The following CAPN14 variants were observed in gnomAD, a reference collection of about 807,000 sequenced individuals.
CAPN14 encodes the protein calpain 14.
In CAPN14, 94 loss-of-function variants were observed where a neutral mutation model predicts 101.3. That is an observed-to-expected ratio of 0.93 (90% CI 0.79 to 1.10). The LOEUF is 1.10. CAPN14 is among the 50% of genes least tolerant of loss of function. CAPN14 has a pLI of 0.00. For synonymous variants in CAPN14, 338 were observed against 317.9 expected (o/e 1.06, Z -0.67); for missense variants, 837 against 828.4 (o/e 1.01, Z -0.13).
chr2:31,227,363 A>C (rs1353824137), intron 1 of CAPN14, among the ~76,000 whole-genome samples: 1 of 151,764 alleles, frequency 6.6e-6, no homozygotes, highest in African/African-American at 2.4e-5. Flanking sequence ...GGGGAGTGTT[A>C]TTCCTGGACA....
chr2:31,208,819 A>G (rs1682241290), intron 1 of CAPN14, among the ~76,000 whole-genome samples: 1 of 152,192 alleles, frequency 6.6e-6, no homozygotes, highest in African/African-American at 2.4e-5. Flanking sequence ...GGTCCACAAA[A>G]TAAGACTATG....
chr2:31,181,386 T>TTCTCTTTC (rs1171284901), intron 16 of CAPN14, among the ~76,000 whole-genome samples: 6,517 of 131,176 alleles, frequency 0.05, 228 homozygotes, highest in African/African-American at 0.061. Context: ...TCTTTTCTTT[T>TTCTCTTTC]TTTCTTTCTT....
At chr2:31,187,445 T>G (rs1572399159) in intron 15 of CAPN14, among the ~76,000 whole-genome samples, 2 of 96,808 alleles carry the variant, frequency 2.1e-5, no homozygotes, top group South Asian at 6.5e-4. Flanking sequence ...CCTGTCCCAC[T>G]CCCAACTCTG....
chr2:31,190,482 C>T (rs570252667), intron 12 of CAPN14, among the ~76,000 whole-genome samples: 35 of 152,264 alleles, frequency 2.3e-4, no homozygotes, highest in African/African-American at 4.8e-4. Flanking sequence ...TAATGAGCCA[C>T]GGTAGCTGTC....
rs373818859 is a variant in CAPN14, at chr2:31,193,188, G to T, written c.1057C>A (p.Arg353=). ...CTCCGCTTCTCCCATCTCCCCTCCC[G>T]CATGGTGTACGTCCACTTCTGGGCC... is the stretch of plus-strand genomic sequence containing the variant. ...EAAQKWTYTM[R]EGRWEKRSTA... The change falls in exon 10 of 22, where the codon CGG becomes AGG. Residue 353 remains arginine (R), a synonymous_variant. Transcript: ENST00000403897. 9 of 1,551,332 alleles carry T rather than the reference G, an allele frequency of 5.8e-6. No homozygotes were observed. In the African/African-American group the frequency reaches 1.2e-4, roughly 21 times the overall value.
chr2:31,178,356 G>C (rs1558609814), intron 18 of CAPN14, among the ~76,000 whole-genome samples, 155 bp downstream of exon 18: 1 of 152,210 alleles, frequency 6.6e-6, no homozygotes, highest in Non-Finnish European at 1.5e-5. Context: ...GTTTGGAAGA[G>C]ACCAATAGAG....
intron 21 of CAPN14, 21 bp downstream of exon 21, chr2:31,176,566 C>A: frequency 6.5e-7 from 1 of 1,549,916 alleles, no homozygotes; most frequent in Non-Finnish European, 8.7e-7. Context: ...ACATGAGCCA[C>A]CTCCTTGGGG....
At position 31,174,557 on chromosome 2, in the gene CAPN14, GGT is replaced by G. The variant is rs1219098477; in HGVS notation, c.*122_*123del. ...GAAGAGAAACCTTCCCAGCTGAGAAGGTGACGGCTAGTGAGGCTGTCCTGAAG... is the reference window on the plus strand; with the variant it reads ...GAAGAGAAACCTTCCCAGCTGAGAAGGACGGCTAGTGAGGCTGTCCTGAAG... On this transcript the variant is annotated 3_prime_UTR_variant, in exon 22 of 22. Coordinates refer to ENST00000403897, the MANE Select transcript of CAPN14 (RefSeq NM_001145122.2). 2 of 982,506 alleles carry G rather than the reference GGT, an allele frequency of 2.0e-6. No homozygotes were observed. The highest frequency in any genetic ancestry group is 1.6e-6 in the Non-Finnish European group (1 of 644,160). 60.9% of individuals were successfully genotyped at this position (982,506 alleles called of 1,614,324 possible).
At chr2:31,179,512 A>G (rs2148671934) in intron 17 of CAPN14, among the ~76,000 whole-genome samples, 1 of 152,320 alleles carries the variant, frequency 6.6e-6, no homozygotes, top group South Asian at 2.1e-4. Context: ...GCTATTGTGA[A>G]TAGTGCCGCA....
At chr2:31,187,253 T>C (rs1421476854) in intron 15 of CAPN14, among the ~76,000 whole-genome samples, 2 of 152,166 alleles carry the variant, frequency 1.3e-5, no homozygotes, top group African/African-American at 4.8e-5. Context: ...GACTCACATC[T>C]GGGTCAGCCC....
rs1307007314 is a variant in CAPN14 at position 31,174,528 on chromosome 2, TGCA to T, written c.*150_*152del. 6 of 718,840 alleles carry T rather than the reference TGCA, an allele frequency of 8.3e-6. No homozygotes were observed. Among genetic ancestry groups the T allele is most frequent in the Non-Finnish European group, 1.4e-5 (6 of 422,356 alleles). The allele number at this position is 718,840 out of a possible 1,614,324, so 44.5% of individuals were successfully genotyped here. On this transcript the variant is annotated 3_prime_UTR_variant, in exon 22 of 22. Transcript: ENST00000403897. The stretch of plus-strand genomic sequence containing the variant: ...CATGCTGGCCATGCACGGGGAGGGC[TGCA>T]GAAGAGAAACCTTCCCAGCTGAGAA...
rs1310262006 is a variant in CAPN14, at chr2:31,208,177, A to G, written c.-52-2678T>C. 2.2e-5 allele frequency among the ~76,000 whole-genome samples: 3 copies of G among 137,244 alleles called. No individual in the cohort carries two copies. The East Asian group carries it at 6.0e-4, about 27-fold the overall frequency. The allele number at this position is 137,244 out of a possible 152,430, so 90.0% of individuals were successfully genotyped here. Reference sequence around the variant, plus strand: ...TTTTTGACTCCAAAAAAAAACTCCAAAAAAAAACTGGAGTTTTTTTCCCTA... The same window carrying G: ...TTTTTGACTCCAAAAAAAAACTCCAGAAAAAAACTGGAGTTTTTTTCCCTA... On this transcript the variant is annotated intron_variant, in intron 1 of 21. Transcript: ENST00000403897.
Position 31,199,534 on chromosome 2 carries a change from T to A in CAPN14, c.727-2A>T. The A allele has an allele frequency of 6.4e-7, 1 of 1,551,032 alleles. No homozygotes were observed. Among genetic ancestry groups the A allele is most frequent in the Non-Finnish European group, 8.7e-7 (1 of 1,146,596 alleles). ...CAGCCCATTCTCCAGAATCTTCTCC[T>A]GCAGAGACAAGAGAGGTCCTGATCA... On this transcript the variant is annotated splice_acceptor_variant, in intron 6 of 21. Coordinates refer to ENST00000403897, the MANE Select transcript of CAPN14 (RefSeq NM_001145122.2). LOFTEE classifies it high-confidence loss of function.
Position 31,230,779 on chromosome 2 carries a change from T to C in CAPN14, c.-177+3012A>G, listed in dbSNP as rs561622926. On this transcript the variant is annotated intron_variant and NMD_transcript_variant, in intron 1 of 21. Transcript: ENST00000398824. This position sits in a 1 kb window ranked among gnomAD's most constrained non-coding sequence, Gnocchi z 4.3. ...GTTTTTGTGTATAGGAAATATCTTT[T>C]CACTCACTTTTGTATTTTTAGTTGA... Among the ~76,000 whole-genome samples the C allele has an allele frequency of 5.3e-5, 8 of 152,262 alleles. No individual in the cohort carries two copies. The highest frequency in any genetic ancestry group is 1.0e-4 in the Non-Finnish European group (7 of 68,044).
intron 17 of CAPN14, 35 bp downstream of exon 17, chr2:31,180,901 A>T: frequency 6.5e-7 from 1 of 1,533,096 alleles, no homozygotes; most frequent in Non-Finnish European, 8.8e-7. Flanking sequence ...CTCTCAACCA[A>T]CAGCAAGCAT....
Position 31,200,595 on chromosome 2 carries a change from T to C in CAPN14, c.582A>G (p.Ser194=). 6.4e-7 allele frequency: 1 copy of C among 1,551,088 alleles called. No homozygotes were observed. Among genetic ancestry groups the C allele is most frequent in the Non-Finnish European group, 8.7e-7 (1 of 1,146,754 alleles). ...CTACAAGGGCTTCAGACACCTGTCC[T>C]GACTGCAAGTCTTCATAGGAACCAG... ...KLSGSYEDLQ[S]GQVSEALVDF... The change falls in exon 6 of 22, where the codon TCA becomes TCG. Residue 194 remains serine (S), a synonymous_variant. Coordinates refer to ENST00000403897, the MANE Select transcript of CAPN14 (RefSeq NM_001145122.2).
intron 16 of CAPN14, 99 bp downstream of exon 16, chr2:31,186,329 A>C: frequency 1.3e-6 from 1 of 757,690 alleles, no homozygotes; most frequent in South Asian, 2.1e-5. Flanking sequence ...ACCAGTGCTC[A>C]GTAATTCACA....
At chr2:31,231,840 T>C (rs1341460619) in intron 1 of CAPN14, among the ~76,000 whole-genome samples, 1 of 152,236 alleles carries the variant, frequency 6.6e-6, no homozygotes, top group East Asian at 1.9e-4. Flanking sequence ...GCCGCAAGCC[T>C]TGCTCCACTA....
intron 1 of CAPN14, among the ~76,000 whole-genome samples, chr2:31,208,152 T>C (rs1682201735): frequency 6.6e-6 from 1 of 151,548 alleles, no homozygotes; most frequent in Non-Finnish European, 1.5e-5. Context: ...GTCTTTTATT[T>C]TTTTGACTCC....
Sources: allele counts gnomAD v4.1 joint callset (sites outside exome capture counted in the v4.1 genomes callset), GRCh38; gene constraint gnomAD v4.1.1; non-coding constraint Gnocchi (gnomAD v3.1); transcripts MANE v1.5; gene names NCBI Gene and HGNC (gene_info 2026-07-23, HGNC 2026-07-21).